ITGA11: variants seen among roughly 807,000 people sequenced by gnomAD.
ITGA11 encodes integrin subunit alpha 11.
A neutral mutation model predicts 141.9 loss-of-function variants in ITGA11; 97 were observed. The ratio of observed to expected loss-of-function variants is 0.68; its 90% CI spans 0.58 to 0.81. ITGA11 has a LOEUF of 0.81. Ranked by LOEUF, ITGA11 falls within the 30% of genes least tolerant of loss-of-function variation. The pLI is 0.00. For missense variants in ITGA11, 1,387 were observed against 1,559.2 expected, an observed-to-expected ratio of 0.89 and a Z score of 1.86; for synonymous variants, 658 against 624.6, an observed-to-expected ratio of 1.05 and a Z score of -0.80.
Position 68,315,691 on chromosome 15 carries a change from T to C in ITGA11, c.2752A>G (p.Ile918Val), listed in dbSNP as rs752860219. The change falls in exon 22 of 30, where the codon ATC (isoleucine) becomes GTC (valine). Residue 918 changes from isoleucine (I) to valine (V), a missense_variant. Transcript: ENST00000315757. ...TCGATCTCCAGGTGGTGTAGGAAGA[T>C]GGATTTGCTGAACTCAAAATCAAGA... ...FRLDFEFSKS[I>V]FLHHLEIELA... The C allele has an allele frequency of 5.6e-6, 9 of 1,613,240 alleles. No homozygotes were observed. The East Asian group carries it at 1.6e-4, about 28-fold the overall frequency.
intron 4 of ITGA11, among the ~76,000 whole-genome samples, chr15:68,363,159 T>C (rs911570486): frequency 4.0e-5 from 6 of 151,848 alleles, no homozygotes; most frequent in Admixed American, 3.3e-4. Context: ...AATGCATGGG[T>C]GGTTGGATAG....
chr15:68,428,451 A>G (rs1185787688), intron 1 of ITGA11, among the ~76,000 whole-genome samples: 1 of 152,140 alleles, frequency 6.6e-6, no homozygotes, highest in Non-Finnish European at 1.5e-5. Context: ...GGAGATAGAC[A>G]TCCCCTCTCT....
At chr15:68,399,239 A>G (rs1397448221) in intron 2 of ITGA11, among the ~76,000 whole-genome samples, 1 of 152,076 alleles carries the variant, frequency 6.6e-6, no homozygotes, top group African/African-American at 2.4e-5. Context: ...ATCACTAACC[A>G]TCAGAGAAAT....
rs1157500049 is a variant in ITGA11 at position 68,328,149 on chromosome 15, AAGGCGGCCAGGC to A, written c.2003_2014del (p.Cys668_Ala671del). The A allele has an allele frequency of 3.7e-6, 6 of 1,613,698 alleles. No individual in the cohort carries two copies. The South Asian group carries it at 6.6e-5, about 18-fold the overall frequency. On this transcript the variant is annotated inframe_deletion, in exon 16 of 30. Coordinates refer to ENST00000315757, the MANE Select transcript of ITGA11 (RefSeq NM_001004439.2). This position sits in a 1 kb window ranked among gnomAD's most constrained non-coding sequence, Gnocchi z 4.8. ...CAGGAAGATGGGCGTGAAGCAGAGG[AAGGCGGCCAGGC>A]AGGTGGCATCCCTGCCACTGCGCTT... is the stretch of plus-strand genomic sequence containing the variant.
intron 2 of ITGA11, among the ~76,000 whole-genome samples, chr15:68,396,611 G>A (rs1226202947): frequency 6.6e-6 from 1 of 151,016 alleles, no homozygotes; most frequent in African/African-American, 2.4e-5. Flanking sequence ...TAGGAAAATT[G>A]GAAAATAATA....
chr15:68,337,535 GA>G (rs1894403731), intron 11 of ITGA11, among the ~76,000 whole-genome samples: 1 of 152,118 alleles, frequency 6.6e-6, no homozygotes, highest in Non-Finnish European at 1.5e-5. Context: ...AGGAGGAGGA[GA>G]AAAGGCACTC....
At chr15:68,356,205 C>T (rs1436486534) in intron 7 of ITGA11, among the ~76,000 whole-genome samples, 3 of 152,134 alleles carry the variant, frequency 2.0e-5, no homozygotes, top group Admixed American at 6.5e-5. Context: ...AAGCAATTCT[C>T]CTGCCTCAGC....
At chr15:68,425,910 A>G (rs574221274) in intron 1 of ITGA11, among the ~76,000 whole-genome samples, 10 of 152,174 alleles carry the variant, frequency 6.6e-5, no homozygotes, top group Non-Finnish European at 1.5e-4. Context: ...CCCGGAGTGC[A>G]TTGCTATAGC....
At chr15:68,423,297 C>T (rs866095270) in intron 1 of ITGA11, among the ~76,000 whole-genome samples, 6 of 152,014 alleles carry the variant, frequency 3.9e-5, no homozygotes, top group Non-Finnish European at 7.4e-5. Context: ...AAGTGGGGCC[C>T]CACCTGACTG....
chr15:68,347,629 G>T (rs772227208), intron 10 of ITGA11, among the ~76,000 whole-genome samples: 2 of 152,132 alleles, frequency 1.3e-5, no homozygotes, highest in Non-Finnish European at 2.9e-5. Flanking sequence ...TTCTGACTCA[G>T]ACCCCCGGAG....
chr15:68,326,922 A>G lies in ITGA11; in HGVS notation c.2069-126T>C. 9.8e-7 allele frequency: 1 copy of G among 1,016,248 alleles called. No homozygotes were observed. Among genetic ancestry groups the G allele is most frequent in the Non-Finnish European group, 1.4e-6 (1 of 713,160 alleles). 63.0% of individuals were successfully genotyped at this position (1,016,248 alleles called of 1,614,324 possible). On this transcript the variant is annotated intron_variant, in intron 16 of 29. Transcript: ENST00000315757. The surrounding 1 kb of genome is among the most constrained non-coding windows in gnomAD (Gnocchi z 6.8). ...CTGTTCCTTTCCTCTCACGAGCCCC[A>G]GTGTGGGTGAGAAACTCCCACATGG...
chr15:68,381,663 C>G (rs1895865029), intron 2 of ITGA11, among the ~76,000 whole-genome samples: 1 of 152,024 alleles, frequency 6.6e-6, no homozygotes. Flanking sequence ...TCAAGCGATT[C>G]TCCTGCCTCA....
At chr15:68,396,050 A>G (rs768704928) in intron 2 of ITGA11, among the ~76,000 whole-genome samples, 101 of 152,162 alleles carry the variant, frequency 6.6e-4, no homozygotes, top group Non-Finnish European at 6.6e-4. Context: ...TGAGCTCTGA[A>G]TAACTGTGAT....
chr15:68,306,076 G>A lies in ITGA11; in HGVS notation c.3381+1272C>T, dbSNP rs993308027. The stretch of plus-strand genomic sequence containing the variant: ...GTAGTGGCGGGCGCCTGTAATACCT[G>A]CTACCCGGGAGGCTGAGGCAGGAGA... On this transcript the variant is annotated intron_variant, in intron 28 of 29. Transcript: ENST00000315757. 5.3e-5 allele frequency among the ~76,000 whole-genome samples: 8 copies of A among 150,518 alleles called. 1 individual carries two copies. The highest frequency in any genetic ancestry group is 1.7e-4 in the African/African-American group (7 of 40,786).
Position 68,298,067 on chromosome 15 carries a change from G to C in ITGA11, c.*4992C>G, listed in dbSNP as rs1429817641. 1 of 152,120 alleles carries C rather than the reference G, an allele frequency of 6.6e-6. No individual in the cohort carries two copies. Among genetic ancestry groups the C allele is most frequent in the Non-Finnish European group, 1.5e-5 (1 of 68,022 alleles). 9.4% of individuals were successfully genotyped at this position (152,120 alleles called of 1,614,324 possible). A position where few individuals can be genotyped will look rare whatever the true frequency, so the allele number is the denominator to read the frequency against. ...GAGACTGCGGAAATCATCCAGACAG[G>C]TTTTAAAACATTTTTTTCTTTGTTT... On this transcript the variant is annotated 3_prime_UTR_variant, in exon 30 of 30. Coordinates refer to ENST00000315757, the MANE Select transcript of ITGA11 (RefSeq NM_001004439.2).
At chr15:68,425,580 G>A (rs1220841430) in intron 1 of ITGA11, among the ~76,000 whole-genome samples, 2 of 152,218 alleles carry the variant, frequency 1.3e-5, no homozygotes, top group Non-Finnish European at 2.9e-5. Context: ...AAGGGCTTCA[G>A]TTTCTCCATC....
chr15:68,343,903 TCTGC>T (rs1894651019), intron 10 of ITGA11, among the ~76,000 whole-genome samples: 2 of 152,148 alleles, frequency 1.3e-5, no homozygotes, highest in Admixed American at 1.3e-4. Flanking sequence ...AAACAGCCCC[TCTGC>T]CTTTCTGTGG....
intron 1 of ITGA11, among the ~76,000 whole-genome samples, chr15:68,405,783 AG>A (rs1435667572): frequency 1.3e-5 from 2 of 150,444 alleles, no homozygotes; most frequent in African/African-American, 2.5e-5. Context: ...TGGTGGGCAT[AG>A]GGGGGTTACT....
chr15:68,333,351 T>G lies in ITGA11; in HGVS notation c.1426-873A>C, dbSNP rs28672317. 0.12 allele frequency among the ~76,000 whole-genome samples: 18,962 copies of G among 152,226 alleles called. 1,326 individuals carry two copies. Among genetic ancestry groups the G allele is most frequent in the African/African-American group, 0.18 (7,565 of 41,518 alleles). ...CCTACGCTTCAGTGATCCTCCCACC[T>G]CAGCCTCTCAAAGTGCTGGGATTAC... On this transcript the variant is annotated intron_variant, in intron 12 of 29. Transcript: ENST00000315757. The surrounding 1 kb of genome is among the most constrained non-coding windows in gnomAD (Gnocchi z 4.2).
Sources: gnomAD v4.1 joint callset for allele counts (sites outside exome capture counted in the v4.1 genomes callset) on GRCh38, gnomAD v4.1.1 for gene constraint, Gnocchi (gnomAD v3.1) non-coding constraint, MANE v1.5 for transcripts, NCBI Gene and HGNC (gene_info 2026-07-23, HGNC 2026-07-21) for gene names.